ZNF518A: variants seen among roughly 807,000 people sequenced by gnomAD.
ZNF518A encodes the protein zinc finger protein 518.
In ZNF518A, 47 loss-of-function variants were observed where a neutral mutation model predicts 102.7. The ratio of observed to expected loss-of-function variants is 0.46; its 90% CI spans 0.36 to 0.58. The LOEUF (loss-of-function observed/expected upper bound fraction) is 0.58. Ranked by LOEUF, ZNF518A falls within the 20% of genes least tolerant of loss-of-function variation. The pLI is 0.00. For missense variants in ZNF518A, 1,793 were observed against 1,699.8 expected (o/e 1.05, Z -0.96); for synonymous variants, 652 against 594.6 (o/e 1.10, Z -1.40).
intron 1 of ZNF518A, among the ~76,000 whole-genome samples, chr10:96,185,808 C>G (rs1039359344): frequency 1.3e-5 from 2 of 152,214 alleles, no homozygotes; most frequent in African/African-American, 2.4e-5. Context: ...TTTTGTTCAG[C>G]TATGCCCTGC....
chr10:96,137,106 G>A (rs782205039), intron 3 of ZNF518A, among the ~76,000 whole-genome samples: 1 of 152,126 alleles, frequency 6.6e-6, no homozygotes, highest in Non-Finnish European at 1.5e-5. Flanking sequence ...TCACATCTGC[G>A]CACCTGCTAG....
In ZNF518A at chr10:96,160,723, T is replaced by C; in HGVS notation, c.4401T>C (p.His1467=). The C allele has an allele frequency of 6.2e-7, 1 of 1,607,988 alleles. No homozygotes were observed. ...ACAATCAGGATACTTGGGCTGGTCA[T>C]GGGCAGAGACATTTAATGGAAGCTA... ...VFDNQDTWAG[H]GQRHLMEATR... The change falls in exon 6 of 6, where the codon CAT becomes CAC. Residue 1467 remains histidine (H), a synonymous_variant. Transcript: ENST00000316045.
At chr10:96,189,677 C>G (rs1205397048) in intron 1 of ZNF518A, 2 of 717,964 alleles carry the variant, frequency 2.8e-6, no homozygotes, top group Admixed American at 3.6e-5. Context: ...GGTGCTTTTT[C>G]TTCAGTTTCC....
downstream of ZNF518A, among the ~76,000 whole-genome samples, chr10:96,167,652 GAAGA>G (rs1436579122): frequency 1.3e-5 from 2 of 152,088 alleles, no homozygotes; most frequent in Admixed American, 6.6e-5. Context: ...TGAGATGGCA[GAAGA>G]AAGAATCAGC....
At position 96,159,985 on chromosome 10, in the gene ZNF518A, A is replaced by G. The variant is rs7081962; in HGVS notation, c.3663A>G (p.Pro1221=). ...TATCPESSEE[P]ICVSDCSESR... ...CATGCCCAGAATCTTCTGAGGAACC[A>G]ATATGTGTCAGTGACTGTTCAGAGT... The change falls in exon 6 of 6, where the codon CCA becomes CCG. Residue 1221 remains proline, a synonymous_variant. Transcript: ENST00000316045. 0.036 allele frequency: 58,173 copies of G among 1,613,542 alleles called. 2,506 individuals are homozygous for G. Among genetic ancestry groups the G allele is most frequent in the African/African-American group, 0.21 (15,863 of 74,976 alleles).
At chr10:96,169,180 A>T (rs1377746906) in intron 1 of ZNF518A, among the ~76,000 whole-genome samples, 9 of 152,120 alleles carry the variant, frequency 5.9e-5, no homozygotes, top group East Asian at 1.9e-4. Flanking sequence ...TTTTAAAAAA[A>T]TTTTTGTAGA....
At chr10:96,131,444 TAA>T (rs1411747763) in intron 1 of ZNF518A, among the ~76,000 whole-genome samples, 2 of 152,238 alleles carry the variant, frequency 1.3e-5, no homozygotes, top group African/African-American at 4.8e-5. Context: ...CTGAAATTTA[TAA>T]AGAGACATTG....
In ZNF518A at chr10:96,156,279, A is replaced by G. The variant is rs782230557; in HGVS notation, c.-44A>G. The G allele has an allele frequency of 7.6e-5, 115 of 1,521,428 alleles. No individual in the cohort carries two copies. Among genetic ancestry groups the G allele is most frequent in the Non-Finnish European group, 9.7e-5 (111 of 1,141,790 alleles). 94.2% of individuals were successfully genotyped at this position (1,521,428 alleles called of 1,614,324 possible). A position where few individuals can be genotyped will look rare whatever the true frequency, so the allele number is the denominator to read the frequency against. On this transcript the variant is annotated 5_prime_UTR_variant, in exon 6 of 6. Transcript: ENST00000316045. ...CCTGTTTAAATTACAGATAACTTCA[A>G]GAGTTTTCAGAAAAAAAGAAATTGG...
In ZNF518A at chr10:96,159,182, C is replaced by T; in HGVS notation, c.2860C>T (p.Pro954Ser). Residue 954 changes from proline to serine, a missense_variant, in exon 6 of 6, where the codon CCT (proline) becomes TCT (serine). Pro to Ser is a moderately conservative substitution (Grantham distance 74). Transcript: ENST00000316045. ...ITNKPGLPVIPGNALPLVNSQ... is the reference protein window; with the variant it reads ...ITNKPGLPVISGNALPLVNSQ... ...TAACAAGCCTGGGCTACCAGTTATT[C>T]CTGGAAATGCACTTCCATTGGTTAA... The T allele has an allele frequency of 6.2e-7, 1 of 1,613,764 alleles. No homozygotes were observed. The highest frequency in any genetic ancestry group is 8.5e-7 in the Non-Finnish European group (1 of 1,179,750).
chr10:96,144,432 A>G (rs1217694966), intron 3 of ZNF518A, among the ~76,000 whole-genome samples: 1 of 152,200 alleles, frequency 6.6e-6, no homozygotes. Context: ...TTTAAGTGAT[A>G]CTGATATATC....
At chr10:96,199,233 A>G (rs1410875336) in intron 1 of ZNF518A, among the ~76,000 whole-genome samples, 1 of 152,208 alleles carries the variant, frequency 6.6e-6, no homozygotes. Context: ...GAAAACAAAG[A>G]AAAAGAAAAT....
chr10:96,133,669 G>A (rs2446024), intron 3 of ZNF518A, 21 bp downstream of exon 3: 135,239 of 152,176 alleles, frequency 0.89, 60,511 homozygotes, highest in Non-Finnish European at 0.95. Flanking sequence ...ACATAAGTAT[G>A]ACCGTAAATT....
At chr10:96,148,056 T>C (rs782447923) in intron 3 of ZNF518A, among the ~76,000 whole-genome samples, 1 of 152,202 alleles carries the variant, frequency 6.6e-6, no homozygotes, top group Non-Finnish European at 1.5e-5. Context: ...TGTTTTCTTA[T>C]TTCTTAGAGT....
chr10:96,141,446 C>G (rs587616239), intron 3 of ZNF518A, among the ~76,000 whole-genome samples: 17 of 152,156 alleles, frequency 1.1e-4, no homozygotes, highest in African/African-American at 3.4e-4. Flanking sequence ...ACTATATGAA[C>G]AGAACAAAGG....
chr10:96,183,403 G>A (rs892243648), intron 1 of ZNF518A, among the ~76,000 whole-genome samples: 40 of 152,246 alleles, frequency 2.6e-4, no homozygotes, highest in African/African-American at 9.1e-4. Flanking sequence ...TAATTGTGAT[G>A]TTAGGGTGTC....
chr10:96,175,252 A>C (rs1309587601), intron 1 of ZNF518A, among the ~76,000 whole-genome samples: 3 of 152,220 alleles, frequency 2.0e-5, no homozygotes, highest in Non-Finnish European at 4.4e-5. Flanking sequence ...CTAGTAAATC[A>C]AGCCTGGGGA....
intron 1 of ZNF518A, among the ~76,000 whole-genome samples, chr10:96,195,511 A>T (rs150111234): frequency 2.2e-4 from 34 of 152,372 alleles, no homozygotes; most frequent in Non-Finnish European, 4.4e-4. Flanking sequence ...ACATGCTACA[A>T]CATGGATGAG....
intron 1 of ZNF518A, chr10:96,192,125 T>C: frequency 6.2e-7 from 1 of 1,612,300 alleles, no homozygotes; most frequent in Non-Finnish European, 8.5e-7. Flanking sequence ...AATTATACTT[T>C]GGCATTTGTG....
At chr10:96,182,083 T>C (rs1554892080) in intron 1 of ZNF518A, among the ~76,000 whole-genome samples, 1 of 152,236 alleles carries the variant, frequency 6.6e-6, no homozygotes, top group African/African-American at 2.4e-5. Context: ...CTAGGTATTT[T>C]CTTCTCTTTG....
Sources: allele counts gnomAD v4.1 joint callset (sites outside exome capture counted in the v4.1 genomes callset), GRCh38; gene constraint gnomAD v4.1.1; transcripts MANE v1.5; gene names NCBI Gene and HGNC (gene_info 2026-07-23, HGNC 2026-07-21).